Variants in ZACN observed in about 807,000 individuals in gnomAD.
The protein encoded by ZACN is zinc activated ion channel, also known as ligand-gated cation channel ZACN.
In ZACN, 52 loss-of-function variants were observed where a neutral mutation model predicts 38.9. The observed-to-expected ratio is 1.34, with a 90% confidence interval of 1.07 to 1.68. The LOEUF is 1.68. Ranked by LOEUF, ZACN falls within the 40% of genes most tolerant of loss-of-function variation. The pLI is 0.00. For synonymous variants in ZACN, 235 were observed against 227.4 expected, an observed-to-expected ratio of 1.03 and a Z score of -0.30; for missense variants, 559 against 525.6, an observed-to-expected ratio of 1.06 and a Z score of -0.62.
intron 4 of ZACN, 55 bp from the exon 5 acceptor site, chr17:76,080,200 C>G (rs556096032): frequency 6.4e-7 from 1 of 1,556,920 alleles, no homozygotes; most frequent in Non-Finnish European, 8.7e-7. Flanking sequence ...AGGGTCTCCC[C>G]CCGGCCCCGT....
chr17:76,081,361 C>T lies in ZACN; in HGVS notation c.628C>T (p.Gln210Ter). Residue 210 changes from glutamine (Q) to a stop codon, truncating the protein, a stop_gained, in exon 6 of 9, where the codon CAA becomes TAA. Transcript: ENST00000334586. LOFTEE classifies it high-confidence loss of function. ...ATACGTAGTTTATGATCTGAAGACC[C>T]AAGTCCCACCCCAGCAGCTGGTGCC... Reference protein sequence around the residue: ...REYVVYDLKTQVPPQQLVPCF... With the variant: ...REYVVYDLKT The T allele has an allele frequency of 6.2e-7, 1 of 1,614,156 alleles. No homozygotes were observed. The highest frequency in any genetic ancestry group is 1.1e-5 in the South Asian group (1 of 91,086).
Position 76,081,312 on chromosome 17 carries a change from C to T in ZACN, c.579C>T (p.Asn193=), listed in dbSNP as rs757531566. 2.9e-5 allele frequency: 46 copies of T among 1,613,966 alleles called. No homozygotes were observed. Among genetic ancestry groups the T allele is most frequent in the African/African-American group, 9.3e-5 (7 of 74,916 alleles). Residue 193 remains asparagine (N), a synonymous_variant, in exon 6 of 9, where the codon AAC becomes AAT. Transcript: ENST00000334586. ...TAGAGTTCCAGGCCCACGTGGTGAA[C>T]GAGATTGTGAGTGTCAAGAGGGAAT... The part of the protein sequence containing the change: ...MELEFQAHVV[N]EIVSVKREYV...
At chr17:76,080,762 C>T in intron 5 of ZACN, 1 of 497,798 alleles carries the variant, frequency 2.0e-6, no homozygotes, top group Non-Finnish European at 3.9e-6. Flanking sequence ...CCCAGAGCAA[C>T]TGCCCTCCAC....
chr17:76,082,246 C>T, intron 8 of ZACN, 197 bp downstream of exon 8: 1 of 784,160 alleles, frequency 1.3e-6, no homozygotes, highest in Non-Finnish European at 2.0e-6. Flanking sequence ...CCCTGAAGTC[C>T]CAGGTGACCT....
At position 76,080,396 on chromosome 17, in the gene ZACN, C is replaced by T; in HGVS notation, c.516C>T (p.Ser172=). Residue 172 remains serine, a synonymous_variant, in exon 5 of 9, where the codon AGC becomes AGT. Transcript: ENST00000334586. ...LHFPRDHSNC[S]LSFYALSNTA... is the part of the protein sequence containing the mutation. ...TCCCCCGGGACCACAGCAACTGCAG[C>T]CTCAGCTTCTACGCTCTCAGCAACA... is the stretch of plus-strand genomic sequence containing the variant. The T allele has an allele frequency of 6.2e-7, 1 of 1,614,090 alleles. No individual in the cohort carries two copies. Among genetic ancestry groups the T allele is most frequent in the Non-Finnish European group, 8.5e-7 (1 of 1,180,026 alleles).
Sources: gnomAD v4.1 joint callset for allele counts on GRCh38, gnomAD v4.1.1 for gene constraint, MANE v1.5 for transcripts, NCBI Gene and HGNC (gene_info 2026-07-23, HGNC 2026-07-21) for gene names.